The following PIK3C2B variants were observed in gnomAD, a reference collection of about 807,000 sequenced individuals.
PIK3C2B encodes phosphatidylinositol-4-phosphate 3-kinase catalytic subunit type 2 beta, also known as phosphatidylinositol 4-phosphate 3-kinase C2 domain-containing subunit beta.
In PIK3C2B, 83 loss-of-function variants were observed where a neutral mutation model predicts 184.3. The ratio of observed to expected loss-of-function variants is 0.45; its 90% CI spans 0.38 to 0.54. The LOEUF (loss-of-function observed/expected upper bound fraction) is 0.54, where lower values mean the gene tolerates loss of function less well. Ranked by LOEUF, PIK3C2B falls within the 20% of genes least tolerant of loss-of-function variation. PIK3C2B has a pLI of 0.00. For synonymous variants in PIK3C2B, 779 were observed against 837.6 expected, an observed-to-expected ratio of 0.93 and a Z score of 1.21; for missense variants, 1,736 against 2,113.5, an observed-to-expected ratio of 0.82 and a Z score of 3.50.
At position 204,478,980 on chromosome 1, in the gene PIK3C2B, A is replaced by G. The variant is rs575156986; in HGVS notation, c.-84-9094T>C. On this transcript the variant is annotated intron_variant, in intron 1 of 32. Transcript: ENST00000684373. The stretch of plus-strand genomic sequence containing the variant: ...CACACATAGAATCCTTGGAGATCAT[A>G]GCTCCTGCTACATACCCTGTAGACT... Among the ~76,000 whole-genome samples, 85 of 152,328 alleles carry G rather than the reference A, an allele frequency of 5.6e-4. 2 individuals carry two copies. The South Asian group carries it at 0.017, about 30-fold the overall frequency.
intron 12 of PIK3C2B, among the ~76,000 whole-genome samples, chr1:204,453,460 G>A (rs1382695269): frequency 1.3e-5 from 2 of 152,110 alleles, no homozygotes; most frequent in African/African-American, 2.4e-5. Flanking sequence ...TCATCTCGAC[G>A]CCATAACTGC....
At position 204,425,576 on chromosome 1, in the gene PIK3C2B, C is replaced by T. The variant is rs1674700607; in HGVS notation, c.4716+37G>A. On this transcript the variant is annotated intron_variant, in intron 32 of 32. Transcript: ENST00000684373. The stretch of plus-strand genomic sequence containing the variant: ...TATCTAGGAGAACAGGCGCAGGTTG[C>T]CAACCCCTGCCCTACCCCACCATTT... 3 of 1,610,842 alleles carry T rather than the reference C, an allele frequency of 1.9e-6. No homozygotes were observed. The East Asian group carries it at 6.7e-5, about 36-fold the overall frequency.
chr1:204,447,716 G>T lies in PIK3C2B; in HGVS notation c.2347-138C>A. The T allele has an allele frequency of 1.6e-6, 1 of 617,314 alleles. No homozygotes were observed. The highest frequency in any genetic ancestry group is 2.9e-6 in the Non-Finnish European group (1 of 349,926). The allele number at this position is 617,314 out of a possible 1,614,324, so 38.2% of individuals were successfully genotyped here. On this transcript the variant is annotated intron_variant, in intron 14 of 32. Transcript: ENST00000684373. The surrounding 1 kb of genome is among the most constrained non-coding windows in gnomAD (Gnocchi z 4.1). ...GGTTCTTTGTAAAATAGCCCTGTTA[G>T]ACTTGGTGATCTCTAAAGTCCTTTC...
chr1:204,456,549 T>C (rs1654861632), intron 10 of PIK3C2B, among the ~76,000 whole-genome samples: 3 of 152,092 alleles, frequency 2.0e-5, no homozygotes. Context: ...TAGGTCAGTC[T>C]TAGGGCAAAG....
Position 204,430,042 on chromosome 1 carries a change from G to C in PIK3C2B, c.4281-4C>G. The C allele has an allele frequency of 6.3e-7, 1 of 1,591,820 alleles. No individual in the cohort carries two copies. Among genetic ancestry groups the C allele is most frequent in the South Asian group, 1.1e-5 (1 of 90,744 alleles). On this transcript the variant is annotated splice_polypyrimidine_tract_variant and splice_region_variant and intron_variant, in intron 28 of 32. Transcript: ENST00000684373. ...GATCACGAAGCGACTAGGGAAGCTGGCGTGGCAGCGTAGGCAGCGGGGATG... is the reference window on the plus strand; with the variant it reads ...GATCACGAAGCGACTAGGGAAGCTGCCGTGGCAGCGTAGGCAGCGGGGATG...
At chr1:204,463,727 A>G (rs1302127865) in intron 5 of PIK3C2B, among the ~76,000 whole-genome samples, 1 of 138,602 alleles carries the variant, frequency 7.2e-6, no homozygotes, top group African/African-American at 2.7e-5. Context: ...AAATACACAC[A>G]TCTCTCCATA....
At position 204,436,476 on chromosome 1, in the gene PIK3C2B, T is replaced by C. The variant is rs186341694; in HGVS notation, c.3517-1868A>G. Among the ~76,000 whole-genome samples the C allele has an allele frequency of 8.5e-5, 13 of 152,130 alleles. No individual in the cohort carries two copies. The East Asian group carries it at 9.7e-4, about 11-fold the overall frequency. ...ACCCAGGAGGTGGAGGTTGCAGTGA[T>C]TGTGCCACTGTATTCCAGCCTGGGT... On this transcript the variant is annotated intron_variant, in intron 23 of 32. Coordinates refer to ENST00000684373, the MANE Select transcript of PIK3C2B (RefSeq NM_001377334.1).
chr1:204,468,834 GA>G, intron 2 of PIK3C2B, 35 bp downstream of exon 2: 1 of 1,518,758 alleles, frequency 6.6e-7, no homozygotes, highest in Non-Finnish European at 8.9e-7. Flanking sequence ...AGGACATGGA[GA>G]AAGGAAGGCA....
intron 5 of PIK3C2B, 85 bp from the exon 6 acceptor site, chr1:204,460,746 T>A: frequency 1.2e-6 from 1 of 869,434 alleles, no homozygotes; most frequent in African/African-American, 1.6e-5. Context: ...GGGAGAGACA[T>A]ACAGAAAGAA....
chr1:204,487,026 T>C (rs777844277), intron 1 of PIK3C2B, among the ~76,000 whole-genome samples: 4 of 152,222 alleles, frequency 2.6e-5, no homozygotes, highest in Non-Finnish European at 2.9e-5. Flanking sequence ...CAGGCTGGTC[T>C]TGAACTCCTG....
rs140295578 is a variant in PIK3C2B at position 204,459,923 on chromosome 1, C to T, written c.1521G>A (p.Leu507=). The change falls in exon 8 of 33, where the codon CTG becomes CTA. Residue 507 remains leucine, a synonymous_variant. Coordinates refer to ENST00000684373, the MANE Select transcript of PIK3C2B (RefSeq NM_001377334.1). The stretch of plus-strand genomic sequence containing the variant: ...CCACCTCATTGTGGTAAGTGTCGAA[C>T]AGAAGACTCAGGGCCTGCCTGGGAG... ...QTISRQALSL[L]FDTYHNEVDA... 1.9e-6 allele frequency: 3 copies of T among 1,613,804 alleles called. No individual in the cohort carries two copies. The highest frequency in any genetic ancestry group is 1.7e-5 in the Admixed American group (1 of 59,986).
chr1:204,466,728 C>A (rs1251212964), intron 2 of PIK3C2B: 2 of 458,200 alleles, frequency 4.4e-6, no homozygotes, highest in Non-Finnish European at 8.9e-6. Flanking sequence ...CATGTCCTTT[C>A]TGTACCACTC....
At chr1:204,428,820 A>C (rs929378984) in intron 29 of PIK3C2B, 5 of 403,502 alleles carry the variant, frequency 1.2e-5, no homozygotes, top group Admixed American at 3.1e-5. Flanking sequence ...AAAATAGAAG[A>C]AGCAAATATA....
rs112103406 is a variant in PIK3C2B at position 204,425,164 on chromosome 1, T to G, written c.4717-124A>C. The G allele has an allele frequency of 8.5e-6, 6 of 708,144 alleles. No homozygotes were observed. In the African/African-American group the frequency reaches 1.1e-4, roughly 13 times the overall value. 43.9% of individuals were successfully genotyped at this position (708,144 alleles called of 1,614,324 possible). ...ATCCAGCTGAGGCTAGCACTCACCC[T>G]GCAGAGTCCCAGGTAATACAGAAGG... On this transcript the variant is annotated intron_variant, in intron 32 of 32. Transcript: ENST00000684373.
At position 204,457,835 on chromosome 1, in the gene PIK3C2B, C is replaced by T. The variant is rs1212954519; in HGVS notation, c.1606G>A (p.Val536Ile). ...GCCAGGGCGTTGCAGATGGCCTTGA[C>T]GGACTGGACCACCCTGTCAGCCTTC... is the stretch of plus-strand genomic sequence containing the variant. ...PLKADRVVQS[V>I]KAICNALAAV... is the part of the protein sequence containing the mutation. Residue 536 changes from valine (V) to isoleucine (I), a missense_variant, in exon 9 of 33, where the codon GTC becomes ATC. Physicochemically the swap from Val to Ile is conservative, Grantham distance 29. Transcript: ENST00000684373. 10 of 1,613,206 alleles carry T rather than the reference C, an allele frequency of 6.2e-6. No individual in the cohort carries two copies. The highest frequency in any genetic ancestry group is 2.2e-5 in the East Asian group (1 of 44,830).
rs1358035819 is a variant in PIK3C2B at position 204,454,745 on chromosome 1, C to A, written c.1990G>T (p.Glu664Ter). 6.2e-7 allele frequency: 1 copy of A among 1,613,458 alleles called. No homozygotes were observed. The highest frequency in any genetic ancestry group is 1.3e-5 in the African/African-American group (1 of 74,910). Residue 664 changes from glutamate to a stop codon, truncating the protein, a stop_gained, in exon 12 of 33, where the codon GAG (glutamate) becomes TAG (stop). Transcript: ENST00000684373. LOFTEE classifies it high-confidence loss of function. ...LSCSLSHGGKELCSPLQTRRA... is the reference protein window; with the variant it reads ...LSCSLSHGGK ...CGGGTCTGCAGGGGGCTGCACAGCT[C>A]CTTGCCGCCATGGCTGAGGGAGCAG...
intron 21 of PIK3C2B, 107 bp from the exon 22 acceptor site, chr1:204,440,428 C>T (rs891441395): frequency 2.6e-5 from 31 of 1,174,368 alleles, no homozygotes; most frequent in Non-Finnish European, 3.7e-5. Context: ...CAGGGAGTTC[C>T]CCAGCCTCAC....
intron 18 of PIK3C2B, among the ~76,000 whole-genome samples, 177 bp from the exon 19 acceptor site, chr1:204,443,774 A>C (rs1049676540): frequency 6.6e-6 from 1 of 152,200 alleles, no homozygotes. Context: ...CCCATACCCC[A>C]GTCTGTGCCC....
At chr1:204,475,907 T>A (rs1553920) in intron 1 of PIK3C2B, among the ~76,000 whole-genome samples, 9 of 152,032 alleles carry the variant, frequency 5.9e-5, no homozygotes, top group Admixed American at 2.6e-4. Context: ...ACAGATCTCA[T>A]GCCCAGGGCC....
Sources: allele counts gnomAD v4.1 joint callset (sites outside exome capture counted in the v4.1 genomes callset), GRCh38; gene constraint gnomAD v4.1.1; non-coding constraint Gnocchi (gnomAD v3.1); transcripts MANE v1.5; gene names NCBI Gene and HGNC (gene_info 2026-07-23, HGNC 2026-07-21).